The following TRIM5 variants were observed in gnomAD, a reference collection of about 807,000 sequenced individuals.
The protein encoded by TRIM5 is tripartite motif-containing protein 5.
A neutral mutation model predicts 35.6 loss-of-function variants in TRIM5; 31 were observed. The ratio of observed to expected loss-of-function variants is 0.87; its 90% CI spans 0.65 to 1.18. TRIM5 has a LOEUF of 1.18. TRIM5 is among the 50% of genes most tolerant of loss of function. The pLI is 0.00. For synonymous variants in TRIM5, 243 were observed against 215.6 expected (o/e 1.13, Z -1.11); for missense variants, 609 against 591.6 (o/e 1.03, Z -0.31).
the TRIM5 span, chr11:5,604,450 G>A: frequency 7.0e-7 from 1 of 1,433,472 alleles, no homozygotes; most frequent in Non-Finnish European, 9.3e-7. Context: ...GAGGTTAGCA[G>A]AATCTCTGTC....
chr11:5,651,669 T>C, the TRIM5 span, among the ~76,000 whole-genome samples: 1 of 152,200 alleles, frequency 6.6e-6, no homozygotes, highest in Admixed American at 6.5e-5. Context: ...AGTAATGGGA[T>C]TGCTGGGTCT....
intron 2 of TRIM5, 104 bp downstream of exon 2, chr11:5,679,657 G>A (rs1852274698): frequency 2.3e-5 from 29 of 1,244,514 alleles, no homozygotes; most frequent in Non-Finnish European, 3.1e-5. Context: ...ATAATCCCGG[G>A]TCTCAGGTCT....
chr11:5,677,836 G>GA (rs1382094427), intron 4 of TRIM5: 1 of 167,762 alleles, frequency 6.0e-6, no homozygotes, highest in African/African-American at 2.4e-5. Flanking sequence ...TTCCATGAAG[G>GA]AAAAAAATAA....
At chr11:5,652,100 A>C in the TRIM5 span, among the ~76,000 whole-genome samples, 2 of 150,876 alleles carry the variant, frequency 1.3e-5, no homozygotes, top group East Asian at 3.9e-4. Context: ...TAGGTTGTGT[A>C]TTTTCTCCGT....
chr11:5,641,907 GC>G, the TRIM5 span, among the ~76,000 whole-genome samples: 1 of 151,890 alleles, frequency 6.6e-6, no homozygotes, highest in African/African-American at 2.4e-5. Context: ...TCAAATATGC[GC>G]CATTCCACTG....
At chr11:5,601,366 T>C in the TRIM5 span, among the ~76,000 whole-genome samples, 2 of 152,242 alleles carry the variant, frequency 1.3e-5, no homozygotes, top group Admixed American at 1.3e-4. Flanking sequence ...GAATGGAGAA[T>C]ACTCTTATTT....
the TRIM5 span, among the ~76,000 whole-genome samples, chr11:5,637,437 G>C: frequency 1.3e-5 from 2 of 152,112 alleles, no homozygotes; most frequent in African/African-American, 4.8e-5. Flanking sequence ...TGAGATTTTA[G>C]GTTGTTTCCC....
the TRIM5 span, chr11:5,605,180 A>T: frequency 2.0e-6 from 2 of 981,970 alleles, no homozygotes; most frequent in Non-Finnish European, 3.1e-6. Flanking sequence ...AGAAGGAAAG[A>T]ACAGGCTACA....
intron 5 of TRIM5, 71 bp downstream of exon 5, chr11:5,667,618 C>T (rs1298355341): frequency 6.6e-7 from 1 of 1,520,118 alleles, no homozygotes; most frequent in Non-Finnish European, 9.0e-7. Flanking sequence ...TAATTAAACC[C>T]AGGACAATTC....
At chr11:5,618,371 AAAAC>A in the TRIM5 span, among the ~76,000 whole-genome samples, 24 of 152,250 alleles carry the variant, frequency 1.6e-4, no homozygotes, top group South Asian at 2.1e-4. Context: ...CTCCATCTCA[AAAAC>A]AAACAAACAA....
the TRIM5 span, among the ~76,000 whole-genome samples, chr11:5,646,911 T>A: frequency 2.0e-5 from 3 of 152,114 alleles, no homozygotes; most frequent in African/African-American, 7.2e-5. Flanking sequence ...CTTGAGCTCA[T>A]AGGACATGAA....
At chr11:5,635,859 G>C in the TRIM5 span, among the ~76,000 whole-genome samples, 2 of 151,926 alleles carry the variant, frequency 1.3e-5, no homozygotes, top group African/African-American at 4.8e-5. Context: ...CATTAGTATG[G>C]CTATAATAAA....
the TRIM5 span, among the ~76,000 whole-genome samples, chr11:5,621,556 G>A: frequency 6.6e-6 from 1 of 152,186 alleles, no homozygotes; most frequent in Non-Finnish European, 1.5e-5. Flanking sequence ...CCAGAAGAAT[G>A]CCTAAGAGTT....
chr11:5,596,009 C>T, the TRIM5 span: 1 of 152,458 alleles, frequency 6.6e-6, no homozygotes, highest in Admixed American at 6.5e-5. Context: ...TCCCTTACCA[C>T]CTGAGGGGTC....
the TRIM5 span, chr11:5,626,951 A>C: frequency 6.6e-6 from 1 of 152,186 alleles, no homozygotes. Context: ...ATGTGGACCT[A>C]ACTGGACCAT....
intron 1 of TRIM5, among the ~76,000 whole-genome samples, chr11:5,683,399 A>C (rs945791966): frequency 2.6e-5 from 4 of 152,088 alleles, no homozygotes; most frequent in African/African-American, 7.2e-5. Context: ...CAGAACCTTT[A>C]TGTTTAGCTA....
the TRIM5 span, among the ~76,000 whole-genome samples, chr11:5,649,323 T>C: frequency 2.0e-5 from 3 of 152,222 alleles, no homozygotes; most frequent in African/African-American, 4.8e-5. Flanking sequence ...GTGATAGCGA[T>C]TTCTACCTGA....
chr11:5,645,685 C>G, the TRIM5 span: 3 of 159,928 alleles, frequency 1.9e-5, no homozygotes, highest in Non-Finnish European at 2.7e-5. Context: ...ACAGGCCTAC[C>G]TTTCCTTCTT....
the TRIM5 span, among the ~76,000 whole-genome samples, chr11:5,648,060 G>A: frequency 2.6e-5 from 4 of 152,158 alleles, no homozygotes; most frequent in South Asian, 6.2e-4. Context: ...TTCCTGTCCT[G>A]GGAGATGTTT....
Sources: gnomAD v4.1 joint callset for allele counts (sites outside exome capture counted in the v4.1 genomes callset) on GRCh38, gnomAD v4.1.1 for gene constraint, MANE v1.5 for transcripts, NCBI Gene and HGNC (gene_info 2026-07-23, HGNC 2026-07-21) for gene names.